HOXB3: variants seen among roughly 807,000 people sequenced by gnomAD.
The protein encoded by HOXB3 is homeobox B3, also known as homeobox protein Hox-B3.
HOXB3 carries 17 observed loss-of-function variants against 29.2 expected under a neutral mutation model. That is an observed-to-expected ratio of 0.58 (90% CI 0.40 to 0.87). HOXB3 has a LOEUF of 0.87. HOXB3 is among the 40% of genes least tolerant of loss of function. The probability of loss-of-function intolerance (pLI) is 0.00; values close to 1 mark genes in which losing one functional copy is unlikely to be tolerated. For missense variants in HOXB3, 637 were observed against 616.3 expected (o/e 1.03, Z -0.35); for synonymous variants, 317 against 285.9 (o/e 1.11, Z -1.10).
chr17:48,579,933 G>C, intron 1 of HOXB3: 1 of 517,368 alleles, frequency 1.9e-6, no homozygotes, highest in South Asian at 1.5e-5. Context: ...GGTATATACA[G>C]AAGACAGACA....
At chr17:48,584,310 T>C (rs1597859477) in intron 1 of HOXB3, among the ~76,000 whole-genome samples, 2 of 152,246 alleles carry the variant, frequency 1.3e-5, no homozygotes, top group East Asian at 3.9e-4. Flanking sequence ...CAAGCTAATC[T>C]TTCAGTAGGC....
intron 2 of HOXB3, among the ~76,000 whole-genome samples, chr17:48,559,209 C>A (rs990930722): frequency 1.3e-5 from 2 of 152,140 alleles, no homozygotes; most frequent in African/African-American, 4.8e-5. Context: ...CAATCAAGGG[C>A]TACCCGCCCT....
chr17:48,552,118 G>A lies in HOXB3; in HGVS notation c.357C>T (p.Pro119=), dbSNP rs182366697. 6.8e-6 allele frequency: 11 copies of A among 1,613,780 alleles called. No individual in the cohort carries two copies. In the East Asian group the frequency reaches 1.6e-4, roughly 23 times the overall value. Residue 119 remains proline, a synonymous_variant, in exon 4 of 5, where the codon CCC becomes CCT. Transcript: ENST00000498678. ...PSKSGPPKCG[P]GTNSTLTKQI... ...GTTTGGTGAGGGTGGAGTTGGTGCC[G>A]GGACCGCACTTTGGGGGACCACTTT...
rs1420444511 is a variant in HOXB3 at position 48,554,220 on chromosome 17, T to A, written c.-159+1311A>T. 1 of 184,054 alleles carries A rather than the reference T, an allele frequency of 5.4e-6. No individual in the cohort carries two copies. The highest frequency in any genetic ancestry group is 1.4e-4 in the East Asian group (1 of 7,208). The allele number at this position is 184,054 out of a possible 1,614,324, so 11.4% of individuals were successfully genotyped here. ...CAGCCCTGGCTGAAGGGGGAATTAATTAACAGGCATTAGTTGTGGTTGTTA... is the reference window on the plus strand; with the variant it reads ...CAGCCCTGGCTGAAGGGGGAATTAAATAACAGGCATTAGTTGTGGTTGTTA... On this transcript the variant is annotated intron_variant, in intron 3 of 4. Coordinates refer to ENST00000498678, the MANE Select transcript of HOXB3 (RefSeq NM_001384749.1). The surrounding 1 kb of genome is among the most constrained non-coding windows in gnomAD (Gnocchi z 4.1).
chr17:48,561,000 G>A (rs969707587), intron 2 of HOXB3, among the ~76,000 whole-genome samples: 7 of 152,172 alleles, frequency 4.6e-5, no homozygotes, highest in African/African-American at 1.7e-4. Flanking sequence ...GACCAACATG[G>A]CGAAACCGTG....
chr17:48,576,993 G>C (rs747343741), intron 1 of HOXB3: 1 of 1,607,668 alleles, frequency 6.2e-7, no homozygotes, highest in Non-Finnish European at 8.5e-7. Context: ...AGAGCGCTTG[G>C]GCTCCCCGCC....
rs781252810 is a variant in HOXB3, at chr17:48,578,298, T to A, written c.-424-4284A>T. Reference sequence around the variant, plus strand: ...TTGGGGTCGACATAGTTTGAGTTGATCAAAAAAGAACTCATAGCCATTAAT... The same window carrying A: ...TTGGGGTCGACATAGTTTGAGTTGAACAAAAAAGAACTCATAGCCATTAAT... On this transcript the variant is annotated intron_variant, in intron 1 of 4. Transcript: ENST00000498678. 9.9e-6 allele frequency: 16 copies of A among 1,610,168 alleles called. No individual in the cohort carries two copies. In the Admixed American group the frequency reaches 2.5e-4, roughly 25 times the overall value.
Position 48,550,424 on chromosome 17 carries a change from T to C in HOXB3, c.1206A>G (p.Glu402=), listed in dbSNP as rs757156320. 1.2e-6 allele frequency: 2 copies of C among 1,613,608 alleles called. No individual in the cohort carries two copies. Among genetic ancestry groups the C allele is most frequent in the Non-Finnish European group, 1.7e-6 (2 of 1,179,886 alleles). ...MAPSQHHGPC[E]PHPTYTDLSS... ...AGAGGTCTGTGTAGGTGGGGTGGGG[T>C]TCGCAGGGTCCGTGGTGCTGGCTGG... Residue 402 remains glutamate, a synonymous_variant, in exon 5 of 5, where the codon GAA becomes GAG. Coordinates refer to ENST00000498678, the MANE Select transcript of HOXB3 (RefSeq NM_001384749.1).
At chr17:48,585,608 C>T (rs1248417186) in intron 1 of HOXB3, among the ~76,000 whole-genome samples, 2 of 152,190 alleles carry the variant, frequency 1.3e-5, no homozygotes, top group African/African-American at 4.8e-5. Context: ...GCGGACAACC[C>T]GTGCGCTTTC....
rs530159770 is a variant in HOXB3, at chr17:48,563,801, G to A, written c.-246-8183C>T. Among the ~76,000 whole-genome samples, 4 of 152,282 alleles carry A rather than the reference G, an allele frequency of 2.6e-5. No individual in the cohort carries two copies. In the East Asian group the frequency reaches 7.7e-4, roughly 29 times the overall value. ...ATAACCCGCTAGGTGCTAAAGGGTT[G>A]GGCAATGGTGGCAGCTGGGTTGTGG... On this transcript the variant is annotated intron_variant, in intron 2 of 4. Transcript: ENST00000498678.
chr17:48,570,920 T>C (rs1419546521), intron 2 of HOXB3, among the ~76,000 whole-genome samples: 1 of 152,078 alleles, frequency 6.6e-6, no homozygotes, highest in Non-Finnish European at 1.5e-5. Context: ...AGAAAAACAC[T>C]CTGCTAAAGT....
At position 48,552,206 on chromosome 17, in the gene HOXB3, G is replaced by C; in HGVS notation, c.269C>G (p.Pro90Arg). ...ACTGGTAGGTGCGGCACTGGGCGGG[G>C]GTGAGCCAGGCGGGGCCGACAGGGG... Reference protein sequence around the residue: ...PEPLSAPPGSPPPSAAPTSAT... With the variant: ...PEPLSAPPGSRPPSAAPTSAT... Residue 90 changes from proline (P) to arginine (R), a missense_variant, in exon 4 of 5, where the codon CCC becomes CGC. Pro to Arg is a moderately radical substitution (Grantham distance 103). Coordinates refer to ENST00000498678, the MANE Select transcript of HOXB3 (RefSeq NM_001384749.1). The C allele has an allele frequency of 6.2e-7, 1 of 1,613,324 alleles. No individual in the cohort carries two copies. The highest frequency in any genetic ancestry group is 8.5e-7 in the Non-Finnish European group (1 of 1,179,780).
chr17:48,572,869 A>G (rs2555110), intron 2 of HOXB3, among the ~76,000 whole-genome samples: 33,811 of 152,056 alleles, frequency 0.22, 4,600 homozygotes, highest in East Asian at 0.42. Context: ...AAATGCCAAC[A>G]CAATGTCCAG....
chr17:48,555,757 T>G, intron 2 of HOXB3, 139 bp from the exon 3 acceptor site: 3 of 605,706 alleles, frequency 5.0e-6, no homozygotes, highest in Non-Finnish European at 8.8e-6. Context: ...TCCGCTTCAA[T>G]TCACTCGGCT....
chr17:48,558,102 C>A, intron 2 of HOXB3, among the ~76,000 whole-genome samples: 1 of 152,100 alleles, frequency 6.6e-6, no homozygotes, highest in East Asian at 1.9e-4. Flanking sequence ...CTGTTACTAT[C>A]ATTGGGTTAG....
intron 2 of HOXB3, among the ~76,000 whole-genome samples, chr17:48,568,526 G>A (rs905418532): frequency 5.9e-5 from 9 of 152,016 alleles, no homozygotes; most frequent in Admixed American, 6.5e-5. Context: ...ACTCTCTCCC[G>A]GCCGGCCGCA....
chr17:48,550,208 G>C lies in HOXB3; in HGVS notation c.*126C>G. ...GGGGGAAGGGAAGGAGCTCCAGGCC[G>C]GTTCTGACCAGGAAGCCTGGGTACC... On this transcript the variant is annotated 3_prime_UTR_variant, in exon 5 of 5. Coordinates refer to ENST00000498678, the MANE Select transcript of HOXB3 (RefSeq NM_001384749.1). 1 of 1,286,956 alleles carries C rather than the reference G, an allele frequency of 7.8e-7. No homozygotes were observed. Among genetic ancestry groups the C allele is most frequent in the Middle Eastern group, 2.7e-4 (1 of 3,650 alleles). The allele number at this position is 1,286,956 out of a possible 1,614,324, so 79.7% of individuals were successfully genotyped here.
Position 48,552,052 on chromosome 17 carries a change from C to A in HOXB3, c.423G>T (p.Lys141Asn). 2 of 1,588,594 alleles carry A rather than the reference C, an allele frequency of 1.3e-6. No homozygotes were observed. Among genetic ancestry groups the A allele is most frequent in the Non-Finnish European group, 1.7e-6 (2 of 1,163,704 alleles). The change falls in exon 4 of 5, where the codon AAG becomes AAT. Residue 141 changes from lysine (K) to asparagine (N), a missense_variant. Coordinates refer to ENST00000498678, the MANE Select transcript of HOXB3 (RefSeq NM_001384749.1). ...CTGTGCCGGGGGAGTTGTTTTTCAG[C>A]TTGGACGTTTGCCTCGACTCTTTCA... is the stretch of plus-strand genomic sequence containing the variant. ...PWMKESRQTSKLKNNSPGTAE... is the reference protein window; with the variant it reads ...PWMKESRQTSNLKNNSPGTAE...
intron 1 of HOXB3, among the ~76,000 whole-genome samples, chr17:48,589,200 G>GA (rs1313353949): frequency 6.6e-6 from 1 of 152,140 alleles, no homozygotes; most frequent in Non-Finnish European, 1.5e-5. Flanking sequence ...AAAGAAGAGG[G>GA]AAAAAGAGAG....
Sources: allele counts gnomAD v4.1 joint callset (sites outside exome capture counted in the v4.1 genomes callset), GRCh38; gene constraint gnomAD v4.1.1; non-coding constraint Gnocchi (gnomAD v3.1); transcripts MANE v1.5; gene names NCBI Gene and HGNC (gene_info 2026-07-23, HGNC 2026-07-21).